Variants in SLC39A12 observed in about 807,000 individuals in gnomAD.
SLC39A12 encodes the protein solute carrier family 39 member 12, also known as zinc transporter ZIP12.
Under a neutral mutation model 71.1 loss-of-function variants are expected in SLC39A12, and 63 were observed. The ratio of observed to expected loss-of-function variants is 0.89; its 90% CI spans 0.72 to 1.09. The LOEUF (loss-of-function observed/expected upper bound fraction) is 1.09, where lower values mean the gene tolerates loss of function less well. SLC39A12 is among the 50% of genes least tolerant of loss of function. SLC39A12 has a pLI of 0.00. For missense variants in SLC39A12, 892 were observed against 812.6 expected, an observed-to-expected ratio of 1.10 and a Z score of -1.19; for synonymous variants, 351 against 301.3, an observed-to-expected ratio of 1.16 and a Z score of -1.71.
chr10:17,965,458 C>G, intron 3 of SLC39A12, 25 bp from the exon 4 acceptor site: 1 of 1,601,494 alleles, frequency 6.2e-7, no homozygotes. Context: ...TTACAATTTT[C>G]TCTTTATTTT....
At chr10:17,999,816 T>A (rs1835782741) in intron 10 of SLC39A12, among the ~76,000 whole-genome samples, 1 of 152,172 alleles carries the variant, frequency 6.6e-6, no homozygotes, top group Admixed American at 6.5e-5. Flanking sequence ...GAAGTCACAA[T>A]GGGGAGTGAA....
chr10:17,961,568 T>A lies in SLC39A12; in HGVS notation c.262-13T>A. On this transcript the variant is annotated splice_polypyrimidine_tract_variant and intron_variant, in intron 2 of 12. Coordinates refer to ENST00000377369, the MANE Select transcript of SLC39A12 (RefSeq NM_001145195.2). ...TTTGTTTCTTTTGTTGTTGTTATTGTTTTCTTCCACAGTGCTTTGAACCAG... is the reference window on the plus strand; with the variant it reads ...TTTGTTTCTTTTGTTGTTGTTATTGATTTCTTCCACAGTGCTTTGAACCAG... The A allele has an allele frequency of 6.3e-7, 1 of 1,593,672 alleles. No homozygotes were observed. The highest frequency in any genetic ancestry group is 1.2e-5 in the South Asian group (1 of 86,796).
chr10:18,026,663 T>C (rs1564661470), intron 12 of SLC39A12, among the ~76,000 whole-genome samples: 1 of 152,100 alleles, frequency 6.6e-6, no homozygotes, highest in Non-Finnish European at 1.5e-5. Context: ...TTATGCCTTT[T>C]GTAGTTGTCC....
Position 18,036,746 on chromosome 10 carries a change from TTATATATATATATATATATATATA to T in SLC39A12, c.1948-5933_1948-5910del, listed in dbSNP as rs1195629854. 6.7e-4 allele frequency among the ~76,000 whole-genome samples: 25 copies of T among 37,494 alleles called. 1 individual carries two copies. The South Asian group carries it at 8.4e-3, about 13-fold the overall frequency. The allele number at this position is 37,494 out of a possible 152,430, so 24.6% of individuals were successfully genotyped here. On this transcript the variant is annotated intron_variant, in intron 12 of 12. Coordinates refer to ENST00000377369, the MANE Select transcript of SLC39A12 (RefSeq NM_001145195.2). ...CATCTTGCAGTTAGCATTTTAAAAA[TTATATATATATATATATATATATA>T]TATATATATATATATATATATATAT...
At position 18,042,618 on chromosome 10, in the gene SLC39A12, A is replaced by C. The variant is rs537215405; in HGVS notation, c.1948-87A>C. 3 of 1,363,960 alleles carry C rather than the reference A, an allele frequency of 2.2e-6. No homozygotes were observed. In the Admixed American group the frequency reaches 7.2e-5, roughly 33 times the overall value. 84.5% of individuals were successfully genotyped at this position (1,363,960 alleles called of 1,614,324 possible). On this transcript the variant is annotated intron_variant, in intron 12 of 12. Transcript: ENST00000377369. ...AATTTTAAAGGTTATTAAGTTCTGAATAACAGTCGCTCATGTTTTCCCACC... is the reference window on the plus strand; with the variant it reads ...AATTTTAAAGGTTATTAAGTTCTGACTAACAGTCGCTCATGTTTTCCCACC...
intron 6 of SLC39A12, among the ~76,000 whole-genome samples, chr10:17,985,102 G>C (rs1340178394): frequency 6.6e-6 from 1 of 152,092 alleles, no homozygotes; most frequent in East Asian, 1.9e-4. Flanking sequence ...TCAGCTCTTT[G>C]GGAGGCCAAG....
At chr10:17,956,306 AG>A (rs1834548221) in intron 2 of SLC39A12, among the ~76,000 whole-genome samples, 3 of 152,164 alleles carry the variant, frequency 2.0e-5, no homozygotes, top group Non-Finnish European at 2.9e-5. Flanking sequence ...CTCCTCAGGG[AG>A]ATCTCTGTGG....
chr10:17,958,283 C>A (rs1834600254), intron 2 of SLC39A12, among the ~76,000 whole-genome samples: 1 of 152,156 alleles, frequency 6.6e-6, no homozygotes, highest in Admixed American at 6.5e-5. Flanking sequence ...GCCCTGGTCT[C>A]ATGGCCCCAT....
At chr10:18,034,397 A>G (rs1280088193) in intron 12 of SLC39A12, among the ~76,000 whole-genome samples, 1 of 152,196 alleles carries the variant, frequency 6.6e-6, no homozygotes. Flanking sequence ...TCTCTTTACC[A>G]TTATGTAATG....
At chr10:18,026,281 G>A (rs1157782153) in intron 12 of SLC39A12, among the ~76,000 whole-genome samples, 1 of 152,076 alleles carries the variant, frequency 6.6e-6, no homozygotes, top group Admixed American at 6.6e-5. Context: ...TTCTGAGAGA[G>A]TCTATATTTC....
At chr10:17,992,088 C>CAAAAAAAAAAAAAAAAAAA (rs59014549) in intron 8 of SLC39A12, among the ~76,000 whole-genome samples, 9 of 87,224 alleles carry the variant, frequency 1.0e-4, no homozygotes, top group Non-Finnish European at 1.5e-4. Context: ...GACTCCATCT[C>CAAAAAAAAAAAAAAAAAAA]AAAAAAAAAA....
chr10:18,034,791 G>T (rs1294421737), intron 12 of SLC39A12, among the ~76,000 whole-genome samples: 8 of 150,048 alleles, frequency 5.3e-5, no homozygotes, highest in Non-Finnish European at 9.0e-5. Flanking sequence ...GGTACCGGTT[G>T]TTCCTTTCCA....
intron 12 of SLC39A12, among the ~76,000 whole-genome samples, chr10:18,030,776 T>A (rs1441255638): frequency 7.1e-6 from 1 of 141,168 alleles, no homozygotes; most frequent in Non-Finnish European, 1.5e-5. Flanking sequence ...TATCTCCCAA[T>A]GCTATCCCTC....
At chr10:17,972,896 G>A (rs1835011798) in intron 4 of SLC39A12, among the ~76,000 whole-genome samples, 1 of 151,794 alleles carries the variant, frequency 6.6e-6, no homozygotes, top group Non-Finnish European at 1.5e-5. Flanking sequence ...TTTTCTGGTT[G>A]TTTTATGGTC....
intron 12 of SLC39A12, among the ~76,000 whole-genome samples, chr10:18,037,333 T>C (rs993720152): frequency 1.3e-5 from 2 of 152,204 alleles, no homozygotes; most frequent in African/African-American, 2.4e-5. Context: ...ATTGATATTT[T>C]CCATTTTTTT....
At chr10:18,026,079 A>G (rs1836668951) in intron 12 of SLC39A12, among the ~76,000 whole-genome samples, 1 of 152,166 alleles carries the variant, frequency 6.6e-6, no homozygotes, top group East Asian at 1.9e-4. Flanking sequence ...AACAACTGTA[A>G]CCTGTTAGAT....
At chr10:17,971,681 G>C (rs139239693) in intron 4 of SLC39A12, among the ~76,000 whole-genome samples, 1,945 of 152,010 alleles carry the variant, frequency 0.013, 12 homozygotes, top group Non-Finnish European at 0.018. Flanking sequence ...CAGTTGTAAT[G>C]TCTCTTTTTT....
Position 17,958,211 on chromosome 10 carries a change from C to T in SLC39A12, c.262-3370C>T, listed in dbSNP as rs1053241638. 3.9e-5 allele frequency among the ~76,000 whole-genome samples: 6 copies of T among 152,034 alleles called. No homozygotes were observed. The South Asian group carries it at 6.2e-4, about 16-fold the overall frequency. ...AGAATGATGCATGGACAGGAGTCTCCGCATCTCAGATGGGTTGAAATATGG... is the reference window on the plus strand; with the variant it reads ...AGAATGATGCATGGACAGGAGTCTCTGCATCTCAGATGGGTTGAAATATGG... On this transcript the variant is annotated intron_variant, in intron 2 of 12. Coordinates refer to ENST00000377369, the MANE Select transcript of SLC39A12 (RefSeq NM_001145195.2).
Position 18,000,733 on chromosome 10 carries a change from G to A in SLC39A12, c.1667G>A (p.Gly556Asp), listed in dbSNP as rs1240079067. 5 of 1,614,006 alleles carry A rather than the reference G, an allele frequency of 3.1e-6. No individual in the cohort carries two copies. Among genetic ancestry groups the A allele is most frequent in the Non-Finnish European group, 4.2e-6 (5 of 1,180,010 alleles). The change falls in exon 11 of 13, where the codon GGC (glycine) becomes GAC (aspartate). Residue 556 changes from glycine to aspartate, a missense_variant. Gly to Asp is a moderately conservative substitution (Grantham distance 94). Coordinates refer to ENST00000377369, the MANE Select transcript of SLC39A12 (RefSeq NM_001145195.2). ...VGDSLHNFAD[G>D]LAIGAAFSSS... Reference sequence around the variant, plus strand: ...GACAGCCTGCATAATTTTGCAGATGGCCTAGCCATAGGAGCAGCCTTCTCA... The same window carrying A: ...GACAGCCTGCATAATTTTGCAGATGACCTAGCCATAGGAGCAGCCTTCTCA...
Sources: gnomAD v4.1 joint callset for allele counts (sites outside exome capture counted in the v4.1 genomes callset) on GRCh38, gnomAD v4.1.1 for gene constraint, MANE v1.5 for transcripts, NCBI Gene and HGNC (gene_info 2026-07-23, HGNC 2026-07-21) for gene names.